ACAP2: variants seen among roughly 807,000 people sequenced by gnomAD.
ACAP2 encodes arf-GAP with coiled-coil, ANK repeat and PH domain-containing protein 2.
In ACAP2, 39 loss-of-function variants were observed where a neutral mutation model predicts 115.8. That is an observed-to-expected ratio of 0.34 (90% CI 0.26 to 0.44). The LOEUF (loss-of-function observed/expected upper bound fraction) is 0.44. ACAP2 is among the 20% of genes least tolerant of loss of function. The pLI is 1.00. For missense variants in ACAP2, 662 were observed against 927.6 expected, an observed-to-expected ratio of 0.71 and a Z score of 3.72; for synonymous variants, 289 against 315.8, an observed-to-expected ratio of 0.92 and a Z score of 0.90.
intron 1 of ACAP2, among the ~76,000 whole-genome samples, chr3:195,407,200 TAAA>T (rs10576564): frequency 0.023 from 3,260 of 143,040 alleles, 113 homozygotes; most frequent in East Asian, 0.1. Context: ...ATTTTTAGTT[TAAA>T]AAAAAAAAAA....
chr3:195,325,744 C>T (rs777345542), intron 9 of ACAP2, among the ~76,000 whole-genome samples: 2 of 151,964 alleles, frequency 1.3e-5, no homozygotes, highest in Non-Finnish European at 2.9e-5. Context: ...CAATTGGTCC[C>T]AATTTTTAGC....
chr3:195,341,321 G>GTTTTTTTTTTTTTTTTT, intron 6 of ACAP2, among the ~76,000 whole-genome samples: 1 of 107,046 alleles, frequency 9.3e-6, no homozygotes, highest in Non-Finnish European at 1.8e-5. Flanking sequence ...TATTGTGTGG[G>GTTTTTTTTTTTTTTTTT]TTTTTTTTTT....
Position 195,326,963 on chromosome 3 carries a change from T to C in ACAP2, c.670-4A>G, listed in dbSNP as rs1338195744. 3.7e-6 allele frequency: 6 copies of C among 1,612,870 alleles called. No homozygotes were observed. Among genetic ancestry groups the C allele is most frequent in the South Asian group, 2.2e-5 (2 of 90,892 alleles). On this transcript the variant is annotated splice_region_variant and splice_polypyrimidine_tract_variant and intron_variant, in intron 8 of 22. Transcript: ENST00000326793. ...CATCCACAACCAGTCGATCCAACTG[T>C]AAAAAGGGAAAAGAGAAAACTGCAG...
intron 1 of ACAP2, among the ~76,000 whole-genome samples, chr3:195,436,090 T>TAC (rs969367107): frequency 6.6e-6 from 1 of 150,438 alleles, no homozygotes; most frequent in Non-Finnish European, 1.5e-5. Context: ...TTTATACACA[T>TAC]ACACACACAC....
At chr3:195,317,738 G>C (rs1388893360) in intron 10 of ACAP2, among the ~76,000 whole-genome samples, 1 of 152,086 alleles carries the variant, frequency 6.6e-6, no homozygotes, top group African/African-American at 2.4e-5. Context: ...ATCAAGTTTA[G>C]AATAAAGGAG....
chr3:195,417,078 ATTTTTT>A (rs11293878), intron 1 of ACAP2, among the ~76,000 whole-genome samples: 1 of 109,548 alleles, frequency 9.1e-6, no homozygotes, highest in Non-Finnish European at 1.8e-5. Context: ...TGCCTGGCTA[ATTTTTT>A]TTTTTTTTTT....
intron 1 of ACAP2, among the ~76,000 whole-genome samples, chr3:195,410,438 T>C (rs1479537579): frequency 6.6e-6 from 1 of 152,156 alleles, no homozygotes; most frequent in African/African-American, 2.4e-5. Context: ...CTGAAAAATT[T>C]TGTGTATCAA....
At chr3:195,330,964 A>C (rs2108624261) in intron 8 of ACAP2, among the ~76,000 whole-genome samples, 1 of 152,320 alleles carries the variant, frequency 6.6e-6, no homozygotes, top group African/African-American at 2.4e-5. Context: ...AAAAAACATA[A>C]GCCTGCACTC....
intron 4 of ACAP2, among the ~76,000 whole-genome samples, chr3:195,379,640 C>A (rs1029320205): frequency 6.6e-6 from 1 of 152,002 alleles, no homozygotes; most frequent in Non-Finnish European, 1.5e-5. Flanking sequence ...CAAAAACAAA[C>A]AAACAAACAA....
At chr3:195,296,564 A>G (rs1727668272) in intron 16 of ACAP2, among the ~76,000 whole-genome samples, 1 of 152,154 alleles carries the variant, frequency 6.6e-6, no homozygotes, top group Admixed American at 6.5e-5. Flanking sequence ...ATAACTTTCA[A>G]ATACAATTGG....
rs563326647 is a variant in ACAP2 at position 195,374,955 on chromosome 3, G to C, written c.285+6054C>G. 7.9e-5 allele frequency among the ~76,000 whole-genome samples: 12 copies of C among 152,120 alleles called. 1 individual carries two copies. The South Asian group carries it at 2.3e-3, about 29-fold the overall frequency. On this transcript the variant is annotated intron_variant, in intron 4 of 22. Transcript: ENST00000326793. ...TCGTGTAATCCCAGCACTTTGGGAG[G>C]CCAAGGCGGGCAGATCACCTGAGGT...
intron 8 of ACAP2, among the ~76,000 whole-genome samples, chr3:195,331,030 ACT>A (rs892691532): frequency 6.6e-6 from 1 of 151,974 alleles, no homozygotes; most frequent in Non-Finnish European, 1.5e-5. Flanking sequence ...GAGAAATAAA[ACT>A]CTTTTTTAAA....
chr3:195,373,619 C>T (rs1353168618), intron 4 of ACAP2, among the ~76,000 whole-genome samples: 2 of 152,118 alleles, frequency 1.3e-5, no homozygotes, highest in Non-Finnish European at 2.9e-5. Flanking sequence ...ATGAAGCAGT[C>T]CTTAAAATTT....
At chr3:195,342,407 TC>T in intron 6 of ACAP2, 63 bp downstream of exon 6, 2 of 1,456,944 alleles carry the variant, frequency 1.4e-6, no homozygotes, top group African/African-American at 2.9e-5. Flanking sequence ...GGGCGATCAC[TC>T]AAAAGTAACA....
chr3:195,292,220 T>A (rs768556847), intron 19 of ACAP2, 45 bp downstream of exon 19: 34 of 1,505,478 alleles, frequency 2.3e-5, no homozygotes, highest in Middle Eastern at 1.8e-4. Flanking sequence ...TGATTTTTTT[T>A]AAATATTTGA....
chr3:195,393,884 T>G (rs969416863), intron 1 of ACAP2, among the ~76,000 whole-genome samples: 6 of 121,472 alleles, frequency 4.9e-5, no homozygotes, highest in Admixed American at 3.5e-4. Context: ...AGTATTATAT[T>G]GGGGGGGGGG....
intron 1 of ACAP2, among the ~76,000 whole-genome samples, chr3:195,421,505 C>G (rs1714188183): frequency 6.6e-6 from 1 of 152,158 alleles, no homozygotes; most frequent in Non-Finnish European, 1.5e-5. Context: ...ACAGCTGCTG[C>G]GTTCAAACCA....
At chr3:195,401,888 A>C (rs1019569660) in intron 1 of ACAP2, among the ~76,000 whole-genome samples, 1 of 152,176 alleles carries the variant, frequency 6.6e-6, no homozygotes, top group African/African-American at 2.4e-5. Context: ...CAAGATCTGT[A>C]AAGAGGAAGC....
At chr3:195,371,865 C>T (rs1733169767) in intron 4 of ACAP2, among the ~76,000 whole-genome samples, 1 of 152,072 alleles carries the variant, frequency 6.6e-6, no homozygotes, top group Non-Finnish European at 1.5e-5. Context: ...TTTTGCCATG[C>T]CCAGGCTGGT....
Sources: gnomAD v4.1 joint callset for allele counts (sites outside exome capture counted in the v4.1 genomes callset) on GRCh38, gnomAD v4.1.1 for gene constraint, MANE v1.5 for transcripts, NCBI Gene and HGNC (gene_info 2026-07-23, HGNC 2026-07-21) for gene names.